Variants in PCDHA4 observed in about 807,000 individuals in gnomAD.
The protein encoded by PCDHA4 is protocadherin alpha 4.
PCDHA4 carries 49 observed loss-of-function variants against 61.4 expected under a neutral mutation model. The ratio of observed to expected loss-of-function variants is 0.80; its 90% confidence interval spans 0.63 to 1.01. The LOEUF (loss-of-function observed/expected upper bound fraction) is 1.01. PCDHA4 is among the 50% of genes least tolerant of loss of function. The pLI is 0.00. For synonymous variants in PCDHA4, 590 were observed against 550.3 expected, an observed-to-expected ratio of 1.07 and a Z score of -1.01; for missense variants, 1,254 against 1,235.8, an observed-to-expected ratio of 1.01 and a Z score of -0.22.
chr5:140,813,858 G>C (rs1554126343), intron 1 of PCDHA4: 1 of 152,212 alleles, frequency 6.6e-6, no homozygotes, highest in Non-Finnish European at 1.5e-5. Context: ...AATTAGCTAG[G>C]TGTGGTGACA....
intron 1 of PCDHA4, chr5:140,850,860 C>T (rs2150500728): frequency 6.3e-7 from 1 of 1,593,350 alleles, no homozygotes; most frequent in Non-Finnish European, 8.6e-7. Flanking sequence ...AACGGGAGAA[C>T]CCTCTGCTTC....
rs140711682 is a variant in PCDHA4, at chr5:140,849,699, A to T, written c.2385+40127A>T. On this transcript the variant is annotated intron_variant, in intron 1 of 3. Coordinates refer to ENST00000530339, the MANE Select transcript of PCDHA4 (RefSeq NM_018907.4). ...CCCCTTCAAGCTGGTGTCCACCTACAAGAATTACTACTCGTTGGTGCTGGA... is the reference window on the plus strand; with the variant it reads ...CCCCTTCAAGCTGGTGTCCACCTACTAGAATTACTACTCGTTGGTGCTGGA... 57 of 1,598,608 alleles carry T rather than the reference A, an allele frequency of 3.6e-5. 2 individuals carry two copies. The African/African-American group carries it at 7.7e-4, about 21-fold the overall frequency.
intron 1 of PCDHA4, among the ~76,000 whole-genome samples, chr5:140,963,688 G>A (rs185853589): frequency 5.9e-5 from 9 of 152,274 alleles, no homozygotes; most frequent in Admixed American, 5.9e-4. Context: ...GTTTATCCGT[G>A]TTTGATATCT....
At chr5:140,985,167 G>C (rs905296036) in intron 3 of PCDHA4, among the ~76,000 whole-genome samples, 2 of 152,176 alleles carry the variant, frequency 1.3e-5, no homozygotes, top group Admixed American at 1.3e-4. Context: ...TCAATCTCCT[G>C]ACCTCGTAAT....
At chr5:140,942,544 G>A (rs546340510) in intron 1 of PCDHA4, among the ~76,000 whole-genome samples, 105 of 152,118 alleles carry the variant, frequency 6.9e-4, no homozygotes, top group African/African-American at 2.5e-3. Flanking sequence ...TATGGTGGGG[G>A]GTAGGGGGTT....
rs1161459762 is a variant in PCDHA4, at chr5:140,884,196, C to A, written c.2385+74624C>A. 1.9e-6 allele frequency: 3 copies of A among 1,613,298 alleles called. No homozygotes were observed. The African/African-American group carries it at 4.0e-5, about 22-fold the overall frequency. On this transcript the variant is annotated intron_variant, in intron 1 of 3. Coordinates refer to ENST00000530339, the MANE Select transcript of PCDHA4 (RefSeq NM_018907.4). ...CGCCCTCTGGACGAGGTGGACGCGCCGCACCACCGCCTTCTGGTGCTGGTG... is the reference window on the plus strand; with the variant it reads ...CGCCCTCTGGACGAGGTGGACGCGCAGCACCACCGCCTTCTGGTGCTGGTG...
intron 1 of PCDHA4, among the ~76,000 whole-genome samples, chr5:140,974,406 T>C (rs903349256): frequency 3.9e-5 from 6 of 152,226 alleles, no homozygotes; most frequent in Non-Finnish European, 8.8e-5. Flanking sequence ...GTTCTAAAGT[T>C]ATGTTTATTT....
Position 140,830,206 on chromosome 5 carries a change from C to T in PCDHA4, c.2385+20634C>T, listed in dbSNP as rs144997304. 2.0e-5 allele frequency: 32 copies of T among 1,613,660 alleles called. No individual in the cohort carries two copies. The Admixed American group carries it at 2.0e-4, about 10-fold the overall frequency. On this transcript the variant is annotated intron_variant, in intron 1 of 3. Coordinates refer to ENST00000530339, the MANE Select transcript of PCDHA4 (RefSeq NM_018907.4). Reference sequence around the variant, plus strand: ...ACGTGTACCTGATCATCGCCATCTGCGCGGTATCCAGCCTGCTGGTCCTCA... The same window carrying T: ...ACGTGTACCTGATCATCGCCATCTGTGCGGTATCCAGCCTGCTGGTCCTCA...
chr5:140,828,966 A>G (rs1770053880), intron 1 of PCDHA4: 5 of 1,614,098 alleles, frequency 3.1e-6, no homozygotes, highest in African/African-American at 1.3e-5. Context: ...GTTATTGACC[A>G]CTTTAGCATA....
intron 1 of PCDHA4, chr5:140,968,724 G>C: frequency 6.2e-7 from 1 of 1,614,090 alleles, no homozygotes; most frequent in Non-Finnish European, 8.5e-7. Context: ...GATGAGAGTG[G>C]TAGCACTTTC....
intron 1 of PCDHA4, among the ~76,000 whole-genome samples, chr5:140,913,578 A>G (rs1206858917): frequency 2.0e-5 from 3 of 152,072 alleles, no homozygotes; most frequent in Non-Finnish European, 2.9e-5. Context: ...CATTTCAAAT[A>G]TATTTCTGCT....
intron 1 of PCDHA4, chr5:140,848,959 A>C (rs1554142632): frequency 1.9e-6 from 3 of 1,606,524 alleles, no homozygotes; most frequent in Admixed American, 3.4e-5. Context: ...TTTCCACTAG[A>C]GGGCGCGTCC....
At chr5:140,853,708 A>G (rs535294888) in intron 1 of PCDHA4, 3 of 986,248 alleles carry the variant, frequency 3.0e-6, no homozygotes, top group South Asian at 9.5e-5. Flanking sequence ...ACGCATTAGC[A>G]TTAGCAGCAC....
intron 1 of PCDHA4, chr5:140,877,641 C>T (rs548787462): frequency 1.9e-6 from 3 of 1,613,592 alleles, no homozygotes; most frequent in Non-Finnish European, 2.5e-6. Context: ...CGCTGCGTTG[C>T]TCAGCGCCGC....
chr5:140,830,137 G>A (rs2150181719), intron 1 of PCDHA4: 44 of 1,613,174 alleles, frequency 2.7e-5, no homozygotes, highest in African/African-American at 1.2e-4. Flanking sequence ...CATCACGGGC[G>A]TCGGTGGGCG....
intron 1 of PCDHA4, chr5:140,843,459 T>C (rs2150360511): frequency 2.5e-6 from 4 of 1,596,020 alleles, no homozygotes; most frequent in Non-Finnish European, 3.4e-6. Context: ...CTGCTGGTGC[T>C]CACGCTGCTG....
intron 1 of PCDHA4, chr5:140,877,748 G>C: frequency 6.2e-7 from 1 of 1,614,188 alleles, no homozygotes; most frequent in Non-Finnish European, 8.5e-7. Flanking sequence ...CAGAGGGTGT[G>C]CTCTGCAGAG....
rs112749867 is a variant in PCDHA4 at position 140,870,111 on chromosome 5, G to T, written c.2385+60539G>T. On this transcript the variant is annotated intron_variant, in intron 1 of 3. Coordinates refer to ENST00000530339, the MANE Select transcript of PCDHA4 (RefSeq NM_018907.4). ...CAATGGCAGGTCACTGTACAGTCTG[G>T]GTGGAAATCTTGGACACCAACGATA... is the stretch of plus-strand genomic sequence containing the variant. 32 of 1,613,880 alleles carry T rather than the reference G, an allele frequency of 2.0e-5. 1 individual carries two copies. In the African/African-American group the frequency reaches 2.0e-4, roughly 10 times the overall value.
intron 1 of PCDHA4, chr5:140,877,410 C>G (rs1339534741): frequency 7.4e-6 from 12 of 1,613,922 alleles, no homozygotes; most frequent in Non-Finnish European, 9.3e-6. Context: ...CGCGCCACCG[C>G]CTGCTGGTGC....
Sources: allele counts gnomAD v4.1 joint callset (sites outside exome capture counted in the v4.1 genomes callset), GRCh38; gene constraint gnomAD v4.1.1; transcripts MANE v1.5; gene names NCBI Gene and HGNC (gene_info 2026-07-23, HGNC 2026-07-21).